Variants in ZGPAT observed in about 807,000 individuals in gnomAD.
ZGPAT encodes the protein zinc finger CCCH-type and G-patch domain containing.
In ZGPAT, 39 loss-of-function variants were observed where a neutral mutation model predicts 47.9. The observed-to-expected ratio is 0.81, with a 90% CI of 0.63 to 1.06. ZGPAT has a LOEUF of 1.06. Ranked by LOEUF, ZGPAT falls within the 50% of genes least tolerant of loss-of-function variation. The pLI is 0.00. For missense variants in ZGPAT, 717 were observed against 681.4 expected (o/e 1.05, Z -0.58); for synonymous variants, 348 against 292.9 (o/e 1.19, Z -1.92).
intron 6 of ZGPAT, 84 bp from the exon 7 acceptor site, chr20:63,735,697 G>C (rs1410686289): frequency 1.2e-5 from 19 of 1,536,448 alleles, no homozygotes; most frequent in Non-Finnish European, 1.6e-5. Flanking sequence ...AGGACGGGCA[G>C]CGGGCACACA....
rs184967006 is a variant in ZGPAT, at chr20:63,708,572, T to C, written c.-9T>C. 8,061 of 1,577,682 alleles carry C rather than the reference T, an allele frequency of 5.1e-3. 31 individuals are homozygous for C. Among genetic ancestry groups the C allele is most frequent in the Non-Finnish European group, 5.9e-3 (6,844 of 1,157,566 alleles). The stretch of plus-strand genomic sequence containing the variant: ...TTGCAGCCCTGGTCCAGCGCCTCCC[T>C]CTCTCAGCATGGACGAGGAGAGCCT... On this transcript the variant is annotated 5_prime_UTR_variant, in exon 2 of 7. Transcript: ENST00000355969.
chr20:63,713,608 C>T (rs1484718785), intron 2 of ZGPAT, among the ~76,000 whole-genome samples: 13 of 151,438 alleles, frequency 8.6e-5, no homozygotes, highest in South Asian at 4.2e-4. Flanking sequence ...CCGTGGCTCA[C>T]GCCTGTAATC....
intron 2 of ZGPAT, among the ~76,000 whole-genome samples, chr20:63,717,332 CTTTTTTTTTTT>C (rs1173734420): frequency 1.5e-4 from 9 of 60,972 alleles, no homozygotes; most frequent in Admixed American, 2.6e-4. Context: ...TTTTTCTTTT[CTTTTTTTTTTT>C]TTTTTTTTTT....
At chr20:63,730,966 CTCTCTG>C (rs1449952861) in intron 2 of ZGPAT, among the ~76,000 whole-genome samples, 24 of 95,148 alleles carry the variant, frequency 2.5e-4, no homozygotes, top group East Asian at 9.0e-4. Context: ...CTCTCTCTCT[CTCTCTG>C]TGTGTGTGTG....
intron 2 of ZGPAT, among the ~76,000 whole-genome samples, chr20:63,727,513 A>T: frequency 6.6e-6 from 1 of 152,012 alleles, no homozygotes; most frequent in East Asian, 1.9e-4. Context: ...TCTACTAAAA[A>T]TATAAAAGTT....
rs1298311441 is a variant in ZGPAT at position 63,731,517 on chromosome 20, GTGAT to G, written c.585-1699_585-1696del. Among the ~76,000 whole-genome samples the G allele has an allele frequency of 4.8e-4, 52 of 107,452 alleles. 1 individual carries two copies. Among genetic ancestry groups the G allele is most frequent in the Middle Eastern group, 5.0e-3 (1 of 202 alleles). The allele number at this position is 107,452 out of a possible 152,430, so 70.5% of individuals were successfully genotyped here. A position where few individuals can be genotyped will look rare whatever the true frequency, so the allele number is the denominator to read the frequency against. On this transcript the variant is annotated intron_variant, in intron 2 of 6. Coordinates refer to ENST00000355969, the MANE Select transcript of ZGPAT (RefSeq NM_181485.3). ...TGTACAATTGGCCCTTGGTGTGTGTGTGATTGTGTGCATACGTGTGTAAAGTGTA... is the reference window on the plus strand; with the variant it reads ...TGTACAATTGGCCCTTGGTGTGTGTGTGTGTGCATACGTGTGTAAAGTGTA...
At position 63,734,787 on chromosome 20, in the gene ZGPAT, C is replaced by T; in HGVS notation, c.954C>T (p.Ser318=). The T allele has an allele frequency of 2.5e-6, 4 of 1,610,082 alleles. No homozygotes were observed. The highest frequency in any genetic ancestry group is 3.4e-6 in the Non-Finnish European group (4 of 1,178,010). The change falls in exon 5 of 7, where the codon TCC becomes TCT. Residue 318 remains serine, a synonymous_variant. Transcript: ENST00000355969. ...AGGTGCACACGCGAGGTATAGGCTCCAGACTCCTCACCAAGATGGGCTATG... is the reference window on the plus strand; with the variant it reads ...AGGTGCACACGCGAGGTATAGGCTCTAGACTCCTCACCAAGATGGGCTATG... ...GWEVHTRGIG[S]RLLTKMGYEF...
Position 63,735,945 on chromosome 20 carries a change from G to T in ZGPAT, c.*26G>T. On this transcript the variant is annotated 3_prime_UTR_variant, in exon 7 of 7. Transcript: ENST00000355969. ...AGACCCCACAAGCACTATGGACGAA[G>T]CGTGGGACCCCAGCACGGGCTGCCC... The T allele has an allele frequency of 6.3e-7, 1 of 1,596,590 alleles. No homozygotes were observed. Among genetic ancestry groups the T allele is most frequent in the South Asian group, 1.1e-5 (1 of 89,760 alleles).
In ZGPAT at chr20:63,735,509, C is replaced by G; in HGVS notation, c.1342C>G (p.Arg448Gly). 1 of 1,530,564 alleles carries G rather than the reference C, an allele frequency of 6.5e-7. No individual in the cohort carries two copies. The highest frequency in any genetic ancestry group is 1.3e-5 in the South Asian group (1 of 76,410). 94.8% of individuals were successfully genotyped at this position (1,530,564 alleles called of 1,614,324 possible). A position where few individuals can be genotyped will look rare whatever the true frequency, so the allele number is the denominator to read the frequency against. The change falls in exon 6 of 7, where the codon CGA becomes GGA. Residue 448 changes from arginine to glycine, a missense_variant. By Grantham distance (125) the Arg-to-Gly change is moderately radical. Coordinates refer to ENST00000355969, the MANE Select transcript of ZGPAT (RefSeq NM_181485.3). ...RLFQTEEKIE[R>G]TQRDIRSIQE... ...CTTCCAGACTGAGGAGAAGATCGAG[C>G]GAACCCAGCGGGACATCAGGAGCAT...
At position 63,727,234 on chromosome 20, in the gene ZGPAT, TTTTTTC is replaced by T. The variant is rs1455680647; in HGVS notation, c.585-5979_585-5974del. 4.2e-3 allele frequency among the ~76,000 whole-genome samples: 600 copies of T among 142,370 alleles called. 2 individuals are homozygous for T. Among genetic ancestry groups the T allele is most frequent in the African/African-American group, 0.014 (572 of 40,884 alleles). The allele number at this position is 142,370 out of a possible 152,430, so 93.4% of individuals were successfully genotyped here. On this transcript the variant is annotated intron_variant, in intron 2 of 6. Coordinates refer to ENST00000355969, the MANE Select transcript of ZGPAT (RefSeq NM_181485.3). ...ACTCTGGAATTTCCATTTGATTTTT[TTTTTTC>T]TTTTTTTCTTTTTTTTTTTAGACAG... is the stretch of plus-strand genomic sequence containing the variant.
Position 63,735,209 on chromosome 20 carries a change from T to G in ZGPAT, c.1042T>G (p.Leu348Val), listed in dbSNP as rs930195131. 6.4e-7 allele frequency: 1 copy of G among 1,560,404 alleles called. No homozygotes were observed. The highest frequency in any genetic ancestry group is 8.7e-7 in the Non-Finnish European group (1 of 1,153,166). The change falls in exon 6 of 7, where the codon TTG becomes GTG. Residue 348 changes from leucine to valine, a missense_variant. Physicochemically the swap from Leu to Val is conservative, Grantham distance 32 (BLOSUM62 1). Coordinates refer to ENST00000355969, the MANE Select transcript of ZGPAT (RefSeq NM_181485.3). ...GRVEPIHAVV[L>V]PRGKSLDQCV... ...GGTGGAGCCCATCCATGCTGTGGTG[T>G]TGCCTCGAGGGAAGTCGCTGGACCA...
At chr20:63,732,324 T>C (rs2091916001) in intron 2 of ZGPAT, among the ~76,000 whole-genome samples, 1 of 57,166 alleles carries the variant, frequency 1.7e-5, no homozygotes, top group South Asian at 5.9e-4. Context: ...AGGGGGCATG[T>C]GTGTGCACGT....
intron 2 of ZGPAT, among the ~76,000 whole-genome samples, chr20:63,713,103 G>A (rs561743194): frequency 6.7e-6 from 1 of 149,894 alleles, no homozygotes; most frequent in South Asian, 2.1e-4. Context: ...ACAGAGTCTT[G>A]CTCTGTCACC....
rs1164405126 is a variant in ZGPAT at position 63,708,585 on chromosome 20, A to T, written c.5A>T (p.Asp2Val). The change falls in exon 2 of 7, where the codon GAC becomes GTC. Residue 2 changes from aspartate to valine, a missense_variant. By Grantham distance (152) the Asp-to-Val change is radical. Transcript: ENST00000355969. The part of the protein sequence containing the change: M[D>V]EESLESALQT... ...CCAGCGCCTCCCTCTCTCAGCATGGACGAGGAGAGCCTGGAGTCGGCCTTG... is the reference window on the plus strand; with the variant it reads ...CCAGCGCCTCCCTCTCTCAGCATGGTCGAGGAGAGCCTGGAGTCGGCCTTG... 1.3e-6 allele frequency: 2 copies of T among 1,596,586 alleles called. No homozygotes were observed. The highest frequency in any genetic ancestry group is 1.3e-5 in the African/African-American group (1 of 74,542).
At position 63,735,365 on chromosome 20, in the gene ZGPAT, G is replaced by A. The variant is rs1159112386; in HGVS notation, c.1198G>A (p.Glu400Lys). ...TCGGAATGTGTTTGACTTCCTCAAT[G>A]AAAAGCTGCAAGGTCAGGCTCCTGG... ...APRNVFDFLN[E>K]KLQGQAPGAL... is the part of the protein sequence containing the mutation. Residue 400 changes from glutamate to lysine, a missense_variant, in exon 6 of 7, where the codon GAA (glutamate) becomes AAA (lysine). Glu to Lys is a moderately conservative substitution (Grantham distance 56, BLOSUM62 1). Coordinates refer to ENST00000355969, the MANE Select transcript of ZGPAT (RefSeq NM_181485.3). The A allele has an allele frequency of 1.9e-6, 3 of 1,545,916 alleles. No homozygotes were observed. The highest frequency in any genetic ancestry group is 2.6e-6 in the Non-Finnish European group (3 of 1,149,954).
intron 2 of ZGPAT, among the ~76,000 whole-genome samples, chr20:63,719,721 A>G (rs2091767700): frequency 6.7e-6 from 1 of 149,600 alleles, no homozygotes; most frequent in Non-Finnish European, 1.5e-5. Context: ...TTATTTTTAA[A>G]TTTCTTTTTA....
chr20:63,708,553 C>T lies in ZGPAT; in HGVS notation c.-28C>T. On this transcript the variant is annotated splice_region_variant and 5_prime_UTR_variant, in exon 2 of 7. Transcript: ENST00000355969. ...GCTCAGCTGGCTTCTCTTCTTGCAG[C>T]CCTGGTCCAGCGCCTCCCTCTCTCA... 1 of 1,554,716 alleles carries T rather than the reference C, an allele frequency of 6.4e-7. No individual in the cohort carries two copies. The highest frequency in any genetic ancestry group is 8.7e-7 in the Non-Finnish European group (1 of 1,146,546).
Position 63,708,550 on chromosome 20 carries a change from C to G in ZGPAT, c.-28-3C>G, listed in dbSNP as rs746278378. ...GGGGCTCAGCTGGCTTCTCTTCTTGCAGCCCTGGTCCAGCGCCTCCCTCTC... is the reference window on the plus strand; with the variant it reads ...GGGGCTCAGCTGGCTTCTCTTCTTGGAGCCCTGGTCCAGCGCCTCCCTCTC... On this transcript the variant is annotated splice_polypyrimidine_tract_variant and splice_region_variant and intron_variant, in intron 1 of 6. Transcript: ENST00000355969. The G allele has an allele frequency of 1.3e-6, 2 of 1,544,902 alleles. No individual in the cohort carries two copies. The highest frequency in any genetic ancestry group is 8.8e-7 in the Non-Finnish European group (1 of 1,142,084).
intron 2 of ZGPAT, among the ~76,000 whole-genome samples, chr20:63,718,944 T>C (rs1052202643): frequency 8.6e-5 from 13 of 151,952 alleles, no homozygotes; most frequent in African/African-American, 2.9e-4. Context: ...CAGGTGCCTG[T>C]AGTCCCAGCT....
Sources: gnomAD v4.1 joint callset for allele counts (sites outside exome capture counted in the v4.1 genomes callset) on GRCh38, gnomAD v4.1.1 for gene constraint, MANE v1.5 for transcripts, NCBI Gene and HGNC (gene_info 2026-07-23, HGNC 2026-07-21) for gene names.